Variants in C16orf89 observed in about 807,000 individuals in gnomAD.
The protein encoded by C16orf89 is UPF0764 protein C16orf89.
C16orf89 carries 57 observed loss-of-function variants against 41.5 expected under a neutral mutation model. That is an observed-to-expected ratio of 1.38 (90% CI 1.11 to 1.71). The LOEUF (loss-of-function observed/expected upper bound fraction) is 1.71, where lower values mean the gene tolerates loss of function less well. Among genes scored for constraint, C16orf89 ranks in the 40% most tolerant of loss-of-function variants. C16orf89 has a pLI of 0.00. For missense variants in C16orf89, 575 were observed against 445.9 expected, an observed-to-expected ratio of 1.29 and a Z score of -2.61; for synonymous variants, 223 against 190.6, an observed-to-expected ratio of 1.17 and a Z score of -1.40.
In C16orf89 at chr16:5,044,361, G is replaced by T. The variant is rs1956254472; in HGVS notation, c.1073C>A (p.Pro358Gln). Residue 358 changes from proline (P) to glutamine (Q), a missense_variant, in exon 8 of 8, where the codon CCA (proline) becomes CAA (glutamine). Pro to Gln is a moderately conservative substitution (Grantham distance 76). Transcript: ENST00000472572. ...REPHPSTPPP[P>Q]SSR ...GAACCGTCCGTCTCAGCGGCTGCTTGGTGGTGGCGGTGTGGATGGGTGTGG... is the reference window on the plus strand; with the variant it reads ...GAACCGTCCGTCTCAGCGGCTGCTTTGTGGTGGCGGTGTGGATGGGTGTGG... 6.2e-7 allele frequency: 1 copy of T among 1,606,990 alleles called. No individual in the cohort carries two copies. Among genetic ancestry groups the T allele is most frequent in the Non-Finnish European group, 8.5e-7 (1 of 1,177,330 alleles).
chr16:5,054,257 G>A lies in C16orf89; in HGVS notation c.868+989C>T, dbSNP rs56978774. ...CTCTCCTTGCAGCTCAGGAAGGTGG[G>A]GATTACTATGCTCATTTATTTTCAG... On this transcript the variant is annotated intron_variant, in intron 6 of 7. Coordinates refer to ENST00000472572, the MANE Select transcript of C16orf89 (RefSeq NM_001098514.3). Among the ~76,000 whole-genome samples, 1,285 of 152,238 alleles carry A rather than the reference G, an allele frequency of 8.4e-3. 17 individuals are homozygous for A. The highest frequency in any genetic ancestry group is 0.029 in the African/African-American group (1,199 of 41,526).
intron 6 of C16orf89, among the ~76,000 whole-genome samples, chr16:5,051,996 G>A (rs1192233539): frequency 1.3e-5 from 2 of 151,400 alleles, no homozygotes; most frequent in Admixed American, 6.6e-5. Context: ...CCAGCTACTC[G>A]GGAGGCTGAG....
At chr16:5,062,833 A>G (rs543051364) in intron 1 of C16orf89, among the ~76,000 whole-genome samples, 1 of 152,250 alleles carries the variant, frequency 6.6e-6, no homozygotes, top group Non-Finnish European at 1.5e-5. Flanking sequence ...CCTGGGTTCA[A>G]ATCTTTGATA....
At chr16:5,064,696 T>C (rs544360982) in intron 1 of C16orf89, among the ~76,000 whole-genome samples, 2 of 152,280 alleles carry the variant, frequency 1.3e-5, no homozygotes, top group South Asian at 4.1e-4. Context: ...GAATCTGTTA[T>C]GGAGCAAGAT....
At chr16:5,054,943 A>G (rs951680193) in intron 6 of C16orf89, among the ~76,000 whole-genome samples, 1 of 152,030 alleles carries the variant, frequency 6.6e-6, no homozygotes, top group Non-Finnish European at 1.5e-5. Context: ...TTTATAAATC[A>G]CCCAGTCTTG....
At chr16:5,059,922 G>T (rs564022068) in intron 3 of C16orf89, among the ~76,000 whole-genome samples, 6 of 151,946 alleles carry the variant, frequency 3.9e-5, no homozygotes, top group African/African-American at 7.2e-5. Context: ...AGTGGGTGGG[G>T]TGGGGGGAGC....
chr16:5,052,883 A>G (rs1463778661), intron 6 of C16orf89, among the ~76,000 whole-genome samples: 1 of 152,266 alleles, frequency 6.6e-6, no homozygotes. Context: ...CTGAGTTTCT[A>G]TCAGCAGATG....
chr16:5,046,110 T>C (rs1455479564), intron 7 of C16orf89, among the ~76,000 whole-genome samples: 1 of 152,036 alleles, frequency 6.6e-6, no homozygotes, highest in African/African-American at 2.4e-5. Flanking sequence ...TGGGAACTTC[T>C]CTCCCTTCTC....
intron 4 of C16orf89, among the ~76,000 whole-genome samples, chr16:5,056,455 C>G (rs1041652591): frequency 2.6e-5 from 4 of 152,134 alleles, no homozygotes; most frequent in Middle Eastern, 3.2e-3. Context: ...GAGTTTTTAT[C>G]AGGAAAGGGC....
intron 5 of C16orf89, chr16:5,055,671 T>C (rs1195921218): frequency 2.0e-6 from 3 of 1,532,876 alleles, no homozygotes; most frequent in Non-Finnish European, 2.6e-6. Flanking sequence ...GCTTTGTGGG[T>C]CTGTCTGCCA....
At chr16:5,054,405 C>T (rs962350713) in intron 6 of C16orf89, among the ~76,000 whole-genome samples, 4 of 152,196 alleles carry the variant, frequency 2.6e-5, no homozygotes, top group Non-Finnish European at 1.5e-5. Context: ...GTCACCTCCT[C>T]CCATGTAGTT....
chr16:5,049,360 A>G lies in C16orf89; in HGVS notation c.869-1396T>C, dbSNP rs946793876. On this transcript the variant is annotated intron_variant, in intron 6 of 7. Transcript: ENST00000472572. ...GCACTTAAGACCAAATGAATCTAAC[A>G]GACATTTACAGAACATTTCATCTAA... is the stretch of plus-strand genomic sequence containing the variant. 3.9e-5 allele frequency among the ~76,000 whole-genome samples: 6 copies of G among 152,254 alleles called. 1 individual carries two copies. The highest frequency in any genetic ancestry group is 7.3e-5 in the Non-Finnish European group (5 of 68,048).
chr16:5,053,371 A>G (rs1333504791), intron 6 of C16orf89, among the ~76,000 whole-genome samples: 2 of 150,800 alleles, frequency 1.3e-5, no homozygotes, highest in Admixed American at 6.6e-5. Flanking sequence ...CTCCATCTCT[A>G]AAAAAAAAGA....
At chr16:5,056,233 T>C (rs974729252) in intron 4 of C16orf89, 45 bp from the exon 5 acceptor site, 1 of 1,541,092 alleles carries the variant, frequency 6.5e-7, no homozygotes, top group African/African-American at 1.4e-5. Flanking sequence ...GTGGTACAGA[T>C]GACAGACACA....
At chr16:5,060,944 C>CA (rs1320256230) in intron 2 of C16orf89, among the ~76,000 whole-genome samples, 30 of 91,576 alleles carry the variant, frequency 3.3e-4, no homozygotes, top group Non-Finnish European at 5.9e-4. Flanking sequence ...CTATGATCAG[C>CA]CTTTTTTTTT....
downstream of C16orf89, chr16:5,043,179 G>A (rs1203519642): frequency 6.6e-6 from 1 of 152,292 alleles, no homozygotes; most frequent in Non-Finnish European, 1.5e-5. Flanking sequence ...CCCTCCTCAA[G>A]TGAGCCTCCC....
chr16:5,060,224 C>G, intron 3 of C16orf89, 62 bp downstream of exon 3: 1 of 1,529,682 alleles, frequency 6.5e-7, no homozygotes, highest in Non-Finnish European at 8.9e-7. Flanking sequence ...AGGAGCGGGA[C>G]AGGACCAGCT....
chr16:5,050,023 A>G (rs1387076249), intron 6 of C16orf89, among the ~76,000 whole-genome samples: 1 of 152,228 alleles, frequency 6.6e-6, no homozygotes, highest in Admixed American at 6.5e-5. Flanking sequence ...AGCTGATACC[A>G]CTGAAATACA....
At chr16:5,063,965 A>C (rs1956682687) in intron 1 of C16orf89, among the ~76,000 whole-genome samples, 1 of 152,038 alleles carries the variant, frequency 6.6e-6, no homozygotes, top group Non-Finnish European at 1.5e-5. Context: ...CATCTCTACC[A>C]AAAATACAAA....
Sources: gnomAD v4.1 joint callset for allele counts (sites outside exome capture counted in the v4.1 genomes callset) on GRCh38, gnomAD v4.1.1 for gene constraint, MANE v1.5 for transcripts, NCBI Gene and HGNC (gene_info 2026-07-23, HGNC 2026-07-21) for gene names.